GABRB3: variants seen among roughly 807,000 people sequenced by gnomAD.
GABRB3 encodes gamma-aminobutyric acid type A receptor subunit beta3, also known as gamma-aminobutyric acid receptor subunit beta-3.
Under a neutral mutation model 52.1 loss-of-function variants are expected in GABRB3, and 14 were observed. The observed-to-expected ratio is 0.27, with a 90% CI of 0.18 to 0.42. The LOEUF is 0.42. Among genes scored for constraint, GABRB3 ranks in the 10% least tolerant of loss-of-function variants. The pLI is 1.00. For missense variants in GABRB3, 307 were observed against 609.1 expected, an observed-to-expected ratio of 0.50 and a Z score of 5.22; for synonymous variants, 260 against 232.3, an observed-to-expected ratio of 1.12 and a Z score of -1.08.
At chr15:26,671,090 A>G (rs1442157071) in intron 3 of GABRB3, among the ~76,000 whole-genome samples, 1 of 152,078 alleles carries the variant, frequency 6.6e-6, no homozygotes, top group Non-Finnish European at 1.5e-5. Context: ...TACGCCACTT[A>G]AGGAAGTAAG....
chr15:26,719,973 AAAG>A (rs570554447), intron 3 of GABRB3, among the ~76,000 whole-genome samples: 47 of 152,186 alleles, frequency 3.1e-4, no homozygotes, highest in Non-Finnish European at 6.8e-4. Flanking sequence ...AAGAATCACA[AAAG>A]AAGTGAAATT....
intron 3 of GABRB3, among the ~76,000 whole-genome samples, chr15:26,718,869 T>G (rs994850487): frequency 6.6e-6 from 1 of 152,228 alleles, no homozygotes. Context: ...AAGCCCAATG[T>G]GATCAGATCC....
intron 4 of GABRB3, among the ~76,000 whole-genome samples, chr15:26,606,700 A>AG (rs1891806614): frequency 8.6e-5 from 1 of 11,652 alleles, no homozygotes; most frequent in Non-Finnish European, 4.6e-4. Context: ...TCAGAAAAGA[A>AG]CAAGTAAGAA....
At chr15:26,644,819 G>A (rs1167536363) in intron 3 of GABRB3, among the ~76,000 whole-genome samples, 2 of 152,180 alleles carry the variant, frequency 1.3e-5, no homozygotes, top group Non-Finnish European at 2.9e-5. Context: ...GCAAGTCCAA[G>A]GTGGGTCCAC....
intron 3 of GABRB3, among the ~76,000 whole-genome samples, chr15:26,702,658 A>G (rs1407305920): frequency 6.6e-6 from 1 of 152,238 alleles, no homozygotes; most frequent in Non-Finnish European, 1.5e-5. Flanking sequence ...TTATTTCAGA[A>G]AACATTAAAT....
intron 3 of GABRB3, among the ~76,000 whole-genome samples, chr15:26,633,983 C>A (rs1203595501): frequency 6.6e-6 from 1 of 152,198 alleles, no homozygotes. Flanking sequence ...CAGTCAGGTA[C>A]AACAAAGTGA....
At chr15:26,731,074 C>T (rs1595556068) in intron 3 of GABRB3, among the ~76,000 whole-genome samples, 1 of 150,974 alleles carries the variant, frequency 6.6e-6, no homozygotes, top group East Asian at 1.9e-4. Flanking sequence ...CTCTCGCTCT[C>T]TCTCTCTCTC....
intron 3 of GABRB3, among the ~76,000 whole-genome samples, chr15:26,732,555 C>A (rs1595557071): frequency 6.9e-6 from 1 of 145,466 alleles, no homozygotes; most frequent in African/African-American, 2.7e-5. Context: ...TAGTGAGACC[C>A]CTTTCTCCCA....
chr15:26,728,811 A>G (rs1180705468), intron 3 of GABRB3, among the ~76,000 whole-genome samples: 3 of 152,232 alleles, frequency 2.0e-5, no homozygotes, highest in African/African-American at 7.2e-5. Flanking sequence ...TTATCAGCTC[A>G]TATACCAGCA....
chr15:26,706,119 C>T (rs895381577), intron 3 of GABRB3, among the ~76,000 whole-genome samples: 10 of 152,216 alleles, frequency 6.6e-5, no homozygotes, highest in Middle Eastern at 3.4e-3. Flanking sequence ...CCTCAAAAAA[C>T]TAAACAAAAC....
In GABRB3 at chr15:26,621,085, A is replaced by G. The variant is rs1297032008; in HGVS notation, c.461+229T>C. On this transcript the variant is annotated intron_variant, in intron 4 of 8. Transcript: ENST00000311550. This position sits in a 1 kb window ranked among gnomAD's most constrained non-coding sequence, Gnocchi z 4.1. ...AGACATGGCAATCCAATTATATACA[A>G]TTGATCCAAAGGTGGCTGTTTTTCA... Among the ~76,000 whole-genome samples, 1 of 149,808 alleles carries G rather than the reference A, an allele frequency of 6.7e-6. No individual in the cohort carries two copies. The highest frequency in any genetic ancestry group is 1.9e-4 in the East Asian group (1 of 5,162).
chr15:26,606,768 C>CGATAGATAGATA (rs768804640), intron 4 of GABRB3, among the ~76,000 whole-genome samples: 1 of 89,750 alleles, frequency 1.1e-5, no homozygotes. Context: ...ATCTGTCTAT[C>CGATAGATAGATA]TATAGATAGA....
intron 4 of GABRB3, among the ~76,000 whole-genome samples, chr15:26,609,427 G>C (rs1395775755): frequency 6.6e-6 from 1 of 151,946 alleles, no homozygotes; most frequent in Non-Finnish European, 1.5e-5. Flanking sequence ...GTTTATTTTT[G>C]GTTGAATACA....
chr15:26,567,634 G>C lies in GABRB3; in HGVS notation c.782C>G (p.Ser261Trp). 1 of 1,613,996 alleles carries C rather than the reference G, an allele frequency of 6.2e-7. No individual in the cohort carries two copies. The highest frequency in any genetic ancestry group is 8.5e-7 in the Non-Finnish European group (1 of 1,179,976). Reference sequence around the variant, plus strand: ...ATAATTGATCCAGAAGGACACCCACGACAGAATCGTTATCAGTATAGAGGG... The same window carrying C: ...ATAATTGATCCAGAAGGACACCCACCACAGAATCGTTATCAGTATAGAGGG... ...YMPSILITIL[S>W]WVSFWINYDA... Residue 261 changes from serine (S) to tryptophan (W), a missense_variant, in exon 7 of 9, where the codon TCG becomes TGG. Physicochemically the swap from Ser to Trp is radical, Grantham distance 177. Transcript: ENST00000311550.
chr15:26,652,393 A>T (rs972685395), intron 3 of GABRB3, among the ~76,000 whole-genome samples: 1 of 152,196 alleles, frequency 6.6e-6, no homozygotes, highest in African/African-American at 2.4e-5. Flanking sequence ...GCTAAGAATA[A>T]ACCTGTTTAA....
chr15:26,738,429 C>G (rs2140157872), intron 3 of GABRB3, among the ~76,000 whole-genome samples: 1 of 152,302 alleles, frequency 6.6e-6, no homozygotes, highest in South Asian at 2.1e-4. Context: ...TTTCTACCAG[C>G]TGCACCTGAG....
At chr15:26,714,013 C>T (rs768840401) in intron 3 of GABRB3, among the ~76,000 whole-genome samples, 1 of 152,156 alleles carries the variant, frequency 6.6e-6, no homozygotes, top group Non-Finnish European at 1.5e-5. Context: ...GAGACTCTGA[C>T]CCGGAAGGAA....
chr15:26,568,684 G>GGGTTTT (rs1555402038), intron 6 of GABRB3, among the ~76,000 whole-genome samples: 1 of 133,728 alleles, frequency 7.5e-6, no homozygotes, highest in Non-Finnish European at 1.6e-5. Context: ...TTTTTTTTTG[G>GGGTTTT]TTTTGTATGT....
chr15:26,736,678 G>C (rs1256253210), intron 3 of GABRB3, among the ~76,000 whole-genome samples: 3 of 151,630 alleles, frequency 2.0e-5, no homozygotes. Flanking sequence ...AGTGGATCTG[G>C]AGCATAGGGT....
Sources: gnomAD v4.1 joint callset for allele counts (sites outside exome capture counted in the v4.1 genomes callset) on GRCh38, gnomAD v4.1.1 for gene constraint, Gnocchi (gnomAD v3.1) non-coding constraint, MANE v1.5 for transcripts, NCBI Gene and HGNC (gene_info 2026-07-23, HGNC 2026-07-21) for gene names.